FAM107A: variants seen among roughly 807,000 people sequenced by gnomAD.
FAM107A encodes actin-associated protein FAM107A.
FAM107A carries 19 observed loss-of-function variants against 13.7 expected under a neutral mutation model. The observed-to-expected ratio is 1.38, with a 90% CI of 0.97 to 2.03. FAM107A has a LOEUF of 2.03. Ranked by LOEUF, FAM107A falls within the 30% of genes most tolerant of loss-of-function variation. FAM107A has a pLI of 0.00. For synonymous variants in FAM107A, 82 were observed against 74.5 expected (o/e 1.10, Z -0.52); for missense variants, 203 against 184.4 (o/e 1.10, Z -0.58).
chr3:58,599,915 A>G (rs1311012834), intron 1 of FAM107A, among the ~76,000 whole-genome samples: 1 of 151,454 alleles, frequency 6.6e-6, no homozygotes, highest in Non-Finnish European at 1.5e-5. Flanking sequence ...ACCTCCAGTG[A>G]TCCTCCCGCC....
chr3:58,625,767 C>T (rs1024998802), intron 1 of FAM107A, among the ~76,000 whole-genome samples: 2 of 152,216 alleles, frequency 1.3e-5, no homozygotes, highest in African/African-American at 4.8e-5. Context: ...AGGCTGCAAC[C>T]CTTTATGAGA....
At position 58,618,723 on chromosome 3, in the gene FAM107A, C is replaced by T. The variant is rs114789704; in HGVS notation, c.-70+8693G>A. 3.8e-3 allele frequency among the ~76,000 whole-genome samples: 572 copies of T among 152,254 alleles called. 3 individuals are homozygous for T. Among genetic ancestry groups the T allele is most frequent in the African/African-American group, 0.013 (542 of 41,522 alleles). On this transcript the variant is annotated intron_variant, in intron 1 of 3. Coordinates refer to the FAM107A transcript ENST00000465970. ...GCCCATCTTGGGCCCCCTGTGACCT[C>T]TTCCTCTCTTGAGGTCTTAGAACAT...
At chr3:58,602,015 A>T (rs2065756866) in intron 1 of FAM107A, among the ~76,000 whole-genome samples, 1 of 152,006 alleles carries the variant, frequency 6.6e-6, no homozygotes, top group Admixed American at 6.6e-5. Context: ...AGAGGGAGAA[A>T]ATTCTGCCTT....
exon 1 of FAM107A, chr3:58,587,095 G>C: frequency 7.3e-7 from 1 of 1,369,888 alleles, no homozygotes; most frequent in Non-Finnish European, 9.4e-7. Context: ...GGGCGGGCGA[G>C]GAGACGCCGC....
chr3:58,616,732 A>G (rs2108082735), intron 1 of FAM107A, among the ~76,000 whole-genome samples: 1 of 152,244 alleles, frequency 6.6e-6, no homozygotes, highest in South Asian at 2.1e-4. Context: ...TTCAGCTTCT[A>G]GCCTCCAGAA....
Position 58,604,233 on chromosome 3 carries a change from C to A in FAM107A, c.-69-14964G>T, listed in dbSNP as rs1161216763. ...AAGAAAGGTTCCTTTGGAAAATGAG[C>A]TCAGTCTCTGCCCACAATTCAACAT... On this transcript the variant is annotated intron_variant, in intron 1 of 3. Coordinates refer to the FAM107A transcript ENST00000465970. This position sits in a 1 kb window ranked among gnomAD's most constrained non-coding sequence, Gnocchi z 4.1. Among the ~76,000 whole-genome samples, 1 of 152,068 alleles carries A rather than the reference C, an allele frequency of 6.6e-6. No homozygotes were observed. Among genetic ancestry groups the A allele is most frequent in the Admixed American group, 6.5e-5 (1 of 15,272 alleles).
At chr3:58,591,291 T>A (rs898908971), upstream of FAM107A, among the ~76,000 whole-genome samples, 12 of 152,084 alleles carry the variant, frequency 7.9e-5, no homozygotes, top group Non-Finnish European at 1.8e-4. The surrounding 1 kb of genome is among the most constrained non-coding windows in gnomAD (Gnocchi z 4.3). Context: ...CAGGTCTCAA[T>A]GGGAAGATGA....
chr3:58,608,426 T>C (rs1041053565), intron 1 of FAM107A, among the ~76,000 whole-genome samples: 3 of 152,328 alleles, frequency 2.0e-5, no homozygotes, highest in Admixed American at 2.0e-4. Flanking sequence ...CTAAGCCTCC[T>C]AGGCCAGATC....
Position 58,569,051 on chromosome 3 carries a change from G to A in FAM107A, c.170+640C>T, listed in dbSNP as rs1223953887. Among the ~76,000 whole-genome samples the A allele has an allele frequency of 3.3e-5, 5 of 152,180 alleles. 1 individual carries two copies. In the East Asian group the frequency reaches 9.6e-4, roughly 29 times the overall value. On this transcript the variant is annotated intron_variant, in intron 2 of 3. Coordinates refer to ENST00000360997, the MANE Select transcript of FAM107A (RefSeq NM_001076778.3). The surrounding 1 kb of genome is among the most constrained non-coding windows in gnomAD (Gnocchi z 5.7). ...ACCAGACGGGCCCACCACACCTTGTGCCCCTGCTGTAGACCTTTCCTTAGT... is the reference window on the plus strand; with the variant it reads ...ACCAGACGGGCCCACCACACCTTGTACCCCTGCTGTAGACCTTTCCTTAGT...
rs1321503083 is a variant in FAM107A, at chr3:58,617,973, A to T, written c.-70+9443T>A. ...AGCTCTGGCACTTGTTGGCTCTGTG[A>T]TCTTGAGACGTGAACTCAACCTCTT... is the stretch of plus-strand genomic sequence containing the variant. On this transcript the variant is annotated intron_variant, in intron 1 of 3. Transcript: ENST00000465970. This position sits in a 1 kb window ranked among gnomAD's most constrained non-coding sequence, Gnocchi z 4.5. 6.6e-6 allele frequency among the ~76,000 whole-genome samples: 1 copy of T among 152,184 alleles called. No individual in the cohort carries two copies.
Position 58,569,626 on chromosome 3 carries a change from C to T in FAM107A, c.170+65G>A. On this transcript the variant is annotated intron_variant, in intron 2 of 3. Transcript: ENST00000360997. The surrounding 1 kb of genome is among the most constrained non-coding windows in gnomAD (Gnocchi z 5.7). ...AGCCAGCTCTGCTTTCCTCCAGGGT[C>T]ACCTTCCCCATCCCCCACAGGCCCA... is the stretch of plus-strand genomic sequence containing the variant. The T allele has an allele frequency of 7.2e-7, 1 of 1,382,380 alleles. No homozygotes were observed. Among genetic ancestry groups the T allele is most frequent in the Non-Finnish European group, 9.9e-7 (1 of 1,009,658 alleles). 85.6% of individuals were successfully genotyped at this position (1,382,380 alleles called of 1,614,324 possible).
chr3:58,567,295 G>A lies in FAM107A; in HGVS notation c.240C>T (p.Ile80=), dbSNP rs527453717. The A allele has an allele frequency of 1.2e-6, 2 of 1,613,640 alleles. No individual in the cohort carries two copies. Among genetic ancestry groups the A allele is most frequent in the Admixed American group, 1.7e-5 (1 of 59,988 alleles). ...VLEHRRRNQL[I]KKKKEELEAK... ...CTTCCAGCTCCTCCTTCTTCTTCTT[G>A]ATGAGCTGGTTCCGCCGGCGGTGCT... Residue 80 remains isoleucine, a synonymous_variant, in exon 3 of 4, where the codon ATC becomes ATT. Coordinates refer to ENST00000360997, the MANE Select transcript of FAM107A (RefSeq NM_001076778.3).
intron 1 of FAM107A, among the ~76,000 whole-genome samples, chr3:58,616,567 A>ACACACC (rs1553631051): frequency 1.4e-5 from 2 of 141,636 alleles, no homozygotes; most frequent in Non-Finnish European, 3.1e-5. Flanking sequence ...ACACACACAC[A>ACACACC]CCACCACTAC....
rs75155337 is a variant in FAM107A, at chr3:58,618,557, C to T, written c.-70+8859G>A. ...GGGCCTCTGAGGCGAATATTTTATT[C>T]TTATTCGTGAACGAGGAAGATTGGA... On this transcript the variant is annotated intron_variant, in intron 1 of 3. Transcript: ENST00000465970. Among the ~76,000 whole-genome samples the T allele has an allele frequency of 2.9e-3, 440 of 152,340 alleles. 12 individuals are homozygous for T. The East Asian group carries it at 0.056, about 19-fold the overall frequency.
Position 58,613,261 on chromosome 3 carries a change from G to C in FAM107A, c.-70+14155C>G, listed in dbSNP as rs1433301008. On this transcript the variant is annotated intron_variant, in intron 1 of 3. Transcript: ENST00000465970. The surrounding 1 kb of genome is among the most constrained non-coding windows in gnomAD (Gnocchi z 4.6). Reference sequence around the variant, plus strand: ...TTATAGATGAGGAAACTGAGGCTGAGAGATCAAGGAGGTGGCCAAGGTTAC... The same window carrying C: ...TTATAGATGAGGAAACTGAGGCTGACAGATCAAGGAGGTGGCCAAGGTTAC... 2.6e-5 allele frequency among the ~76,000 whole-genome samples: 4 copies of C among 152,222 alleles called. No individual in the cohort carries two copies. The highest frequency in any genetic ancestry group is 5.9e-5 in the Non-Finnish European group (4 of 68,046).
chr3:58,583,761 G>T (rs902785398), intron 1 of FAM107A, among the ~76,000 whole-genome samples: 1 of 151,884 alleles, frequency 6.6e-6, no homozygotes, highest in Non-Finnish European at 1.5e-5. Flanking sequence ...GCTCATGGCA[G>T]CCTCAACTCT....
intron 1 of FAM107A, among the ~76,000 whole-genome samples, chr3:58,583,693 T>TG (rs367669602): frequency 9.7e-4 from 147 of 151,388 alleles, no homozygotes; most frequent in South Asian, 4.0e-3. Flanking sequence ...TCTTTTTTTT[T>TG]GGGGGGGGAC....
chr3:58,597,103 C>A (rs79904374), intron 1 of FAM107A, among the ~76,000 whole-genome samples: 29 of 152,142 alleles, frequency 1.9e-4, no homozygotes, highest in Non-Finnish European at 3.8e-4. Context: ...CTCCTGAGAA[C>A]GAACATTTGG....
upstream of FAM107A, chr3:58,587,183 G>C (rs2065617138): frequency 8.4e-7 from 1 of 1,186,278 alleles, no homozygotes; most frequent in African/African-American, 1.6e-5. Context: ...AACGTCTGCA[G>C]TGAGGACTCC....
Sources: allele counts gnomAD v4.1 joint callset (sites outside exome capture counted in the v4.1 genomes callset), GRCh38; gene constraint gnomAD v4.1.1; non-coding constraint Gnocchi (gnomAD v3.1); transcripts MANE v1.5; gene names NCBI Gene and HGNC (gene_info 2026-07-23, HGNC 2026-07-21).